The following EDARADD variants were observed in gnomAD, a reference collection of about 807,000 sequenced individuals.
The protein encoded by EDARADD is ectodysplasin-A receptor-associated adapter protein.
In EDARADD, 20 loss-of-function variants were observed where a neutral mutation model predicts 25.6. That is an observed-to-expected ratio of 0.78 (90% CI 0.55 to 1.14). EDARADD has a LOEUF of 1.14. Among genes scored for constraint, EDARADD ranks in the 50% most tolerant of loss-of-function variants. The pLI, the probability that EDARADD is intolerant of heterozygous loss-of-function variation, is 0.00. For synonymous variants in EDARADD, 86 were observed against 94.4 expected, an observed-to-expected ratio of 0.91 and a Z score of 0.52; for missense variants, 225 against 270.1, an observed-to-expected ratio of 0.83 and a Z score of 1.17.
chr1:236,407,128 A>C (rs893926720), intron 1 of EDARADD, among the ~76,000 whole-genome samples: 1 of 152,066 alleles, frequency 6.6e-6, no homozygotes, highest in Non-Finnish European at 1.5e-5. Flanking sequence ...AAGGACCTCA[A>C]ATTTGTAGTG....
intron 3 of EDARADD, among the ~76,000 whole-genome samples, chr1:236,352,086 A>T (rs1448362110): frequency 6.6e-6 from 1 of 152,098 alleles, no homozygotes; most frequent in Non-Finnish European, 1.5e-5. Context: ...AGCTTGGCCC[A>T]CACCCTGGTT....
At chr1:236,444,556 G>A (rs1558126493) in intron 4 of EDARADD, among the ~76,000 whole-genome samples, 2 of 152,138 alleles carry the variant, frequency 1.3e-5, no homozygotes, top group South Asian at 2.1e-4. Flanking sequence ...TGAGTAGCTG[G>A]GATTACAGGC....
intron 3 of EDARADD, among the ~76,000 whole-genome samples, chr1:236,379,686 G>C (rs1667275594): frequency 6.6e-6 from 1 of 151,728 alleles, no homozygotes; most frequent in South Asian, 2.1e-4. Context: ...GGCTGAGGCA[G>C]GAGAATCACT....
intron 3 of EDARADD, among the ~76,000 whole-genome samples, chr1:236,384,842 T>C (rs1356854571): frequency 6.6e-6 from 1 of 152,172 alleles, no homozygotes; most frequent in Admixed American, 6.5e-5. Flanking sequence ...TTTTATTTCT[T>C]CTAGAAATTT....
chr1:236,371,569 ATTT>A (rs199841789), intron 3 of EDARADD, among the ~76,000 whole-genome samples: 5 of 138,342 alleles, frequency 3.6e-5, no homozygotes, highest in Admixed American at 7.3e-5. Context: ...TTTTATTAAG[ATTT>A]TTTTTTTTTT....
intron 3 of EDARADD, among the ~76,000 whole-genome samples, chr1:236,373,628 T>C (rs1462126199): frequency 6.6e-6 from 1 of 152,206 alleles, no homozygotes; most frequent in East Asian, 1.9e-4. Flanking sequence ...GTTGATTTTT[T>C]TCTATTGATT....
intron 3 of EDARADD, among the ~76,000 whole-genome samples, chr1:236,418,917 G>T (rs1405600302): frequency 2.0e-5 from 3 of 152,130 alleles, no homozygotes; most frequent in African/African-American, 7.2e-5. Context: ...CGCTCCCCAA[G>T]CCTTGACAGA....
chr1:236,446,664 T>C (rs1187715746), intron 4 of EDARADD, among the ~76,000 whole-genome samples: 1 of 152,244 alleles, frequency 6.6e-6, no homozygotes, highest in African/African-American at 2.4e-5. Flanking sequence ...CAAAATGCTG[T>C]GCATGAAATA....
At chr1:236,459,143 C>T (rs866906442) in intron 4 of EDARADD, among the ~76,000 whole-genome samples, 21 of 152,184 alleles carry the variant, frequency 1.4e-4, no homozygotes, top group Non-Finnish European at 1.9e-4. Flanking sequence ...AGCATTCAGC[C>T]TTCCTTTTGC....
At chr1:236,360,450 T>G (rs552571028) in intron 3 of EDARADD, among the ~76,000 whole-genome samples, 2 of 152,180 alleles carry the variant, frequency 1.3e-5, no homozygotes, top group East Asian at 3.9e-4. Context: ...AAATTATTAC[T>G]GTGTGGTTAC....
intron 4 of EDARADD, among the ~76,000 whole-genome samples, chr1:236,459,611 C>CCTTTTTTTTTTTTTTTTTTTTTTTT (rs776064017): frequency 1.0e-5 from 1 of 100,462 alleles, no homozygotes. Flanking sequence ...TTATTTAGCT[C>CCTTTTTTTTTTTTTTTTTTTTTTTT]TTTTTTTTTT....
intron 4 of EDARADD, among the ~76,000 whole-genome samples, chr1:236,464,349 A>G (rs1486144648): frequency 6.6e-6 from 1 of 150,770 alleles, no homozygotes; most frequent in Non-Finnish European, 1.5e-5. Flanking sequence ...TCCTGGGCTC[A>G]AGATCCTCTT....
At chr1:236,405,327 G>C (rs548003120) in intron 1 of EDARADD, among the ~76,000 whole-genome samples, 1 of 152,158 alleles carries the variant, frequency 6.6e-6, no homozygotes, top group Non-Finnish European at 1.5e-5. Context: ...TCTCTATCTT[G>C]TTGGCCTCAT....
At chr1:236,406,484 T>C (rs567940147) in intron 1 of EDARADD, among the ~76,000 whole-genome samples, 4 of 152,194 alleles carry the variant, frequency 2.6e-5, no homozygotes, top group Non-Finnish European at 5.9e-5. Context: ...GGCTGTTTGG[T>C]ACAGCCCATT....
In EDARADD at chr1:236,483,668, CA is replaced by C. The variant is rs1207337550; in HGVS notation, c.*1020del. ...TCACCAAGCTGGCCATGCAGGAGTT[CA>C]TGGTCCTCCCAGTCGGTGCAGCAAA... is the stretch of plus-strand genomic sequence containing the variant. On this transcript the variant is annotated 3_prime_UTR_variant, in exon 6 of 6. Transcript: ENST00000334232. 9.5e-6 allele frequency: 15 copies of C among 1,573,982 alleles called. No individual in the cohort carries two copies. In the Admixed American group the frequency reaches 2.5e-4, roughly 26 times the overall value.
chr1:236,457,906 G>C (rs538545947), intron 4 of EDARADD, among the ~76,000 whole-genome samples: 1 of 152,050 alleles, frequency 6.6e-6, no homozygotes, highest in Admixed American at 6.6e-5. Context: ...CAAGAAGAGC[G>C]GGAGAGAAGT....
intron 3 of EDARADD, among the ~76,000 whole-genome samples, chr1:236,359,402 C>T (rs954950171): frequency 3.3e-5 from 5 of 152,180 alleles, no homozygotes; most frequent in Non-Finnish European, 7.3e-5. Flanking sequence ...CTCTTTTGGC[C>T]TTCAACCTTC....
intron 3 of EDARADD, among the ~76,000 whole-genome samples, chr1:236,382,714 A>G (rs1019076775): frequency 6.6e-6 from 1 of 152,158 alleles, no homozygotes; most frequent in Non-Finnish European, 1.5e-5. Context: ...ATTATTCTCC[A>G]CTATTCAGGC....
In EDARADD at chr1:236,416,746, C is replaced by T. The variant is rs576848674; in HGVS notation, c.160+2447C>T. 1.3e-3 allele frequency among the ~76,000 whole-genome samples: 195 copies of T among 152,288 alleles called. 2 individuals are homozygous for T. Among genetic ancestry groups the T allele is most frequent in the Non-Finnish European group, 1.7e-3 (115 of 68,022 alleles). ...TGAACCATGTCTAGAAGTTTAAAAA[C>T]TTACTCCTACATTTGCGCTCAACAA... On this transcript the variant is annotated intron_variant, in intron 3 of 5. Transcript: ENST00000334232.
Sources: gnomAD v4.1 joint callset for allele counts (sites outside exome capture counted in the v4.1 genomes callset) on GRCh38, gnomAD v4.1.1 for gene constraint, MANE v1.5 for transcripts, NCBI Gene and HGNC (gene_info 2026-07-23, HGNC 2026-07-21) for gene names.